Variants in PCDHGA1 observed in about 807,000 individuals in gnomAD.
The protein encoded by PCDHGA1 is protocadherin gamma-A1.
A neutral mutation model predicts 58.0 loss-of-function variants in PCDHGA1; 32 were observed. The ratio of observed to expected loss-of-function variants is 0.55; its 90% CI spans 0.42 to 0.74. The LOEUF (loss-of-function observed/expected upper bound fraction) is 0.74, where lower values mean the gene tolerates loss of function less well. Ranked by LOEUF, PCDHGA1 falls within the 30% of genes least tolerant of loss-of-function variation. The pLI, the probability that PCDHGA1 is intolerant of heterozygous loss-of-function variation, is 0.00. For synonymous variants in PCDHGA1, 498 were observed against 501.1 expected (o/e 0.99, Z 0.08); for missense variants, 1,205 against 1,182.3 (o/e 1.02, Z -0.28).
chr5:141,376,067 G>A (rs766311632), intron 1 of PCDHGA1: 4 of 1,613,402 alleles, frequency 2.5e-6, no homozygotes, highest in Non-Finnish European at 3.4e-6. Context: ...CACGCTCACC[G>A]TGGCCGTGGC....
rs754380051 is a variant in PCDHGA1 at position 141,344,714 on chromosome 5, C to T, written c.2421+11609C>T. 8.1e-6 allele frequency: 13 copies of T among 1,613,858 alleles called. No individual in the cohort carries two copies. The African/African-American group carries it at 1.6e-4, about 20-fold the overall frequency. ...ACCCTGTCCACTCTGGCAACTTGCA[C>T]ATCCAAGTGATAGTCCTGGATGCAA... On this transcript the variant is annotated intron_variant, in intron 1 of 3. Transcript: ENST00000517417.
At chr5:141,500,116 C>T (rs1458562489) in intron 2 of PCDHGA1, among the ~76,000 whole-genome samples, 4 of 149,046 alleles carry the variant, frequency 2.7e-5, no homozygotes, top group Admixed American at 2.0e-4. Context: ...GAATCCCTGC[C>T]TTTTCATATA....
chr5:141,491,178 C>T lies in PCDHGA1; in HGVS notation c.2422-3629C>T, dbSNP rs774139827. 6.2e-7 allele frequency: 1 copy of T among 1,614,146 alleles called. No individual in the cohort carries two copies. The highest frequency in any genetic ancestry group is 8.5e-7 in the Non-Finnish European group (1 of 1,179,992). On this transcript the variant is annotated intron_variant, in intron 1 of 3. Coordinates refer to ENST00000517417, the MANE Select transcript of PCDHGA1 (RefSeq NM_018912.3). The surrounding 1 kb of genome is among the most constrained non-coding windows in gnomAD (Gnocchi z 6.9). ...ACTCTGACACCCAGCAGGTGGTGGT[C>T]CTGGTGAGGGACAATGGTGACCCTT...
intron 1 of PCDHGA1, among the ~76,000 whole-genome samples, chr5:141,462,023 A>T (rs927945421): frequency 1.3e-5 from 2 of 152,112 alleles, no homozygotes; most frequent in African/African-American, 4.8e-5. Flanking sequence ...GGGTTTCTTC[A>T]TGTTGGTCAG....
intron 1 of PCDHGA1, among the ~76,000 whole-genome samples, chr5:141,430,388 A>G (rs2097280501): frequency 6.6e-6 from 1 of 152,106 alleles, no homozygotes; most frequent in Non-Finnish European, 1.5e-5. Flanking sequence ...ATTGGGAAAA[A>G]AAAAAAAAGC....
intron 1 of PCDHGA1, chr5:141,433,178 A>G: frequency 6.2e-7 from 1 of 1,608,316 alleles, no homozygotes. Context: ...TCATGGGTTA[A>G]TTGAGGTGAG....
At chr5:141,375,670 G>A (rs1186753190) in intron 1 of PCDHGA1, 5 of 1,614,248 alleles carry the variant, frequency 3.1e-6, no homozygotes, top group Non-Finnish European at 4.2e-6. Context: ...GAGACCTACA[G>A]CTGTGGGTGA....
intron 2 of PCDHGA1, among the ~76,000 whole-genome samples, chr5:141,501,102 C>G (rs951290710): frequency 2.0e-5 from 3 of 152,014 alleles, no homozygotes; most frequent in African/African-American, 4.8e-5. Flanking sequence ...CTCTTGACCT[C>G]GTGATCCGCC....
At chr5:141,389,525 CGT>C in intron 1 of PCDHGA1, 1 of 1,613,170 alleles carries the variant, frequency 6.2e-7, no homozygotes, top group Non-Finnish European at 8.5e-7. Context: ...TGAGCCTGCG[CGT>C]GTTAGTGGAC....
intron 1 of PCDHGA1, chr5:141,410,723 T>G: frequency 7.2e-7 from 1 of 1,391,168 alleles, no homozygotes; most frequent in Non-Finnish European, 9.6e-7. Context: ...ATGTTTAAAA[T>G]CCATAGCTTT....
intron 1 of PCDHGA1, among the ~76,000 whole-genome samples, chr5:141,464,749 T>A (rs1026757405): frequency 6.6e-6 from 1 of 152,216 alleles, no homozygotes; most frequent in African/African-American, 2.4e-5. Context: ...ATCTTTTTGT[T>A]TTTTTAGAGA....
At chr5:141,360,150 A>T in intron 1 of PCDHGA1, 1 of 1,602,638 alleles carries the variant, frequency 6.2e-7, no homozygotes, top group Admixed American at 1.7e-5. Flanking sequence ...AAGCGAGCTC[A>T]GGGAGGTGCG....
Position 141,339,232 on chromosome 5 carries a change from G to A in PCDHGA1, c.2421+6127G>A, listed in dbSNP as rs140493211. ...CGCGAAGCGGCAGCTTGGTCACTGC[G>A]AACAGGATAGACCGGGAGGAGCTCT... On this transcript the variant is annotated intron_variant, in intron 1 of 3. Coordinates refer to ENST00000517417, the MANE Select transcript of PCDHGA1 (RefSeq NM_018912.3). 338 of 1,614,250 alleles carry A rather than the reference G, an allele frequency of 2.1e-4. No homozygotes were observed. The African/African-American group carries it at 4.2e-3, about 20-fold the overall frequency.
At chr5:141,365,714 A>T in intron 1 of PCDHGA1, 3 of 1,613,646 alleles carry the variant, frequency 1.9e-6, no homozygotes, top group Non-Finnish European at 2.5e-6. Context: ...CACCTCTGTC[A>T]CAGAAAACAA....
chr5:141,442,702 T>G (rs1301940560), intron 1 of PCDHGA1, among the ~76,000 whole-genome samples: 6 of 152,224 alleles, frequency 3.9e-5, no homozygotes, highest in Non-Finnish European at 8.8e-5. Context: ...GACAAGAGTA[T>G]CAGACATGCC....
intron 1 of PCDHGA1, chr5:141,429,167 TATAC>T (rs1240034860): frequency 7.3e-6 from 1 of 136,106 alleles, no homozygotes; most frequent in African/African-American, 2.9e-5. Flanking sequence ...AGACATTGTT[TATAC>T]ACACACACAC....
intron 1 of PCDHGA1, chr5:141,423,261 C>T (rs1181343306): frequency 6.2e-7 from 1 of 1,613,870 alleles, no homozygotes; most frequent in Non-Finnish European, 8.5e-7. Flanking sequence ...ACCTCGGCAG[C>T]CTCGAGTCTC....
At position 141,477,272 on chromosome 5, in the gene PCDHGA1, C is replaced by G. The variant is rs2099408579; in HGVS notation, c.2422-17535C>G. The G allele has an allele frequency of 1.2e-6, 2 of 1,614,090 alleles. No homozygotes were observed. The highest frequency in any genetic ancestry group is 1.7e-6 in the Non-Finnish European group (2 of 1,180,048). Reference sequence around the variant, plus strand: ...TGACCTGGATGCTGGCGAGAACGGGCTGGTGACCTGCGAAGTTCCACCGGG... The same window carrying G: ...TGACCTGGATGCTGGCGAGAACGGGGTGGTGACCTGCGAAGTTCCACCGGG... On this transcript the variant is annotated intron_variant, in intron 1 of 3. Coordinates refer to ENST00000517417, the MANE Select transcript of PCDHGA1 (RefSeq NM_018912.3). This position sits in a 1 kb window ranked among gnomAD's most constrained non-coding sequence, Gnocchi z 4.9.
At position 141,332,732 on chromosome 5, in the gene PCDHGA1, A is replaced by T. The variant is rs62378404; in HGVS notation, c.2048A>T (p.Lys683Ile). 74,536 of 1,613,282 alleles carry T rather than the reference A, an allele frequency of 0.046. 1,903 individuals carry two copies. The highest frequency in any genetic ancestry group is 0.094 in the Middle Eastern group (562 of 6,002). ...CTGGGCAGCCTCGAGCCCTCCGCCA[A>T]ACCCAACGATTCGGACCTCACTCTG... ...ADLGSLEPSA[K>I]PNDSDLTLYL... Residue 683 changes from lysine (K) to isoleucine (I), a missense_variant, in exon 1 of 4, where the codon AAA becomes ATA. Transcript: ENST00000517417. The surrounding 1 kb of genome is among the most constrained non-coding windows in gnomAD (Gnocchi z 4.6).
Sources: allele counts gnomAD v4.1 joint callset (sites outside exome capture counted in the v4.1 genomes callset), GRCh38; gene constraint gnomAD v4.1.1; non-coding constraint Gnocchi (gnomAD v3.1); transcripts MANE v1.5; gene names NCBI Gene and HGNC (gene_info 2026-07-23, HGNC 2026-07-21).